LRRC58: variants seen among roughly 807,000 people sequenced by gnomAD.
The protein encoded by LRRC58 is leucine rich repeat containing 58, also known as leucine-rich repeat-containing protein 58.
Under a neutral mutation model 30.6 loss-of-function variants are expected in LRRC58, and 18 were observed. That is an observed-to-expected ratio of 0.59 (90% CI 0.41 to 0.87). The LOEUF is 0.87. Ranked by LOEUF, LRRC58 falls within the 40% of genes least tolerant of loss-of-function variation. The pLI, the probability that LRRC58 is intolerant of heterozygous loss-of-function variation, is 0.00. For missense variants in LRRC58, 420 were observed against 468.4 expected (o/e 0.90, Z 0.95); for synonymous variants, 221 against 206.0 (o/e 1.07, Z -0.62).
At chr3:120,332,009 A>T (rs917190332) in intron 3 of LRRC58, among the ~76,000 whole-genome samples, 4 of 152,232 alleles carry the variant, frequency 2.6e-5, no homozygotes, top group African/African-American at 9.7e-5. Flanking sequence ...AGGTAAACTG[A>T]AAGTAATATC....
At chr3:120,336,594 C>A (rs1415331945) in intron 1 of LRRC58, among the ~76,000 whole-genome samples, 7 of 152,096 alleles carry the variant, frequency 4.6e-5, no homozygotes, top group Non-Finnish European at 1.5e-5. Context: ...GAAGTCTCTA[C>A]ATTTCTTCTT....
At position 120,334,920 on chromosome 3, in the gene LRRC58, AG is replaced by A; in HGVS notation, c.848del (p.Pro283LeufsTer44). On this transcript the variant is annotated frameshift_variant, in exon 3 of 4. Transcript: ENST00000295628. LOFTEE classifies it high-confidence loss of function. ...AACCCAAGTATCTAAGAAGATTTCC[AG>A]GAAGATCATAGGGAGTGTAGGAAAT... ...RNISYTPYDLPGNLLRYLGSA... is the reference protein window; with the variant it reads ...RNISYTPYDLXGNLLRYLGSA... 1 of 1,613,796 alleles carries A rather than the reference AG, an allele frequency of 6.2e-7. No homozygotes were observed. The highest frequency in any genetic ancestry group is 1.1e-5 in the South Asian group (1 of 91,030).
At position 120,347,379 on chromosome 3, in the gene LRRC58, C is replaced by CTTTTTTTTTTTTTTTTTTTTTG. The variant is rs1935982859; in HGVS notation, c.500+1364_500+1365insCAAAAAAAAAAAAAAAAAAAAA. ...AGTTCTTTTTTCCCAGGCCAATATTCTTTTTTTTTTTTTTTTTTTTTTTGA... is the reference window on the plus strand; with the variant it reads ...AGTTCTTTTTTCCCAGGCCAATATTCTTTTTTTTTTTTTTTTTTTTTGTTTTTTTTTTTTTTTTTTTTTTTGA... On this transcript the variant is annotated intron_variant, in intron 1 of 3. Coordinates refer to ENST00000295628, the MANE Select transcript of LRRC58 (RefSeq NM_001099678.2). 3.6e-5 allele frequency among the ~76,000 whole-genome samples: 2 copies of CTTTTTTTTTTTTTTTTTTTTTG among 54,828 alleles called. 1 individual carries two copies. The highest frequency in any genetic ancestry group is 6.9e-5 in the Non-Finnish European group (2 of 28,778). 36.0% of individuals were successfully genotyped at this position (54,828 alleles called of 152,430 possible). A position where few individuals can be genotyped will look rare whatever the true frequency, so the allele number is the denominator to read the frequency against.
At chr3:120,345,221 T>C (rs1287496657) in intron 1 of LRRC58, among the ~76,000 whole-genome samples, 1 of 152,200 alleles carries the variant, frequency 6.6e-6, no homozygotes, top group Non-Finnish European at 1.5e-5. Flanking sequence ...AAGCCATAAG[T>C]ATTCATTTGT....
chr3:120,343,072 G>A lies in LRRC58; in HGVS notation c.500+5672C>T, dbSNP rs553523473. Among the ~76,000 whole-genome samples the A allele has an allele frequency of 3.3e-5, 5 of 152,290 alleles. No individual in the cohort carries two copies. The East Asian group carries it at 9.6e-4, about 29-fold the overall frequency. ...TTGGAAGTGGACAGGGAAGGTAGACGGAAAGGATGCAAAACATTAGTAGTT... is the reference window on the plus strand; with the variant it reads ...TTGGAAGTGGACAGGGAAGGTAGACAGAAAGGATGCAAAACATTAGTAGTT... On this transcript the variant is annotated intron_variant, in intron 1 of 3. Coordinates refer to ENST00000295628, the MANE Select transcript of LRRC58 (RefSeq NM_001099678.2).
At position 120,348,896 on chromosome 3, in the gene LRRC58, C is replaced by T. The variant is rs769317356; in HGVS notation, c.348G>A (p.Ser116=). Residue 116 remains serine, a synonymous_variant, in exon 1 of 4, where the codon TCG becomes TCA. Coordinates refer to ENST00000295628, the MANE Select transcript of LRRC58 (RefSeq NM_001099678.2). ...PSALPKGLAQ[S]PLCRSLQVLN... ...GCACCTGGAGGCTGCGGCAGAGCGGCGACTGGGCCAGGCCCTTGGGCAGCG... is the reference window on the plus strand; with the variant it reads ...GCACCTGGAGGCTGCGGCAGAGCGGTGACTGGGCCAGGCCCTTGGGCAGCG... 5.1e-6 allele frequency: 8 copies of T among 1,579,022 alleles called. No homozygotes were observed. Among genetic ancestry groups the T allele is most frequent in the Non-Finnish European group, 5.2e-6 (6 of 1,163,780 alleles).
At position 120,326,816 on chromosome 3, in the gene LRRC58, A is replaced by G. The variant is rs1935681497; in HGVS notation, c.*4384T>C. The G allele has an allele frequency of 6.6e-6, 1 of 152,246 alleles. No homozygotes were observed. Among genetic ancestry groups the G allele is most frequent in the South Asian group, 2.1e-4 (1 of 4,836 alleles). 9.4% of individuals were successfully genotyped at this position (152,246 alleles called of 1,614,324 possible). On this transcript the variant is annotated 3_prime_UTR_variant, in exon 4 of 4. Coordinates refer to ENST00000295628, the MANE Select transcript of LRRC58 (RefSeq NM_001099678.2). ...TCTACCAAGGGTCTTATGAAAATTT[A>G]GGAATAATAACCATTAACTTTTTTT...
rs1194870084 is a variant in LRRC58 at position 120,335,070 on chromosome 3, G to A, written c.699C>T (p.Asn233=). Residue 233 remains asparagine (N), a synonymous_variant, in exon 3 of 4, where the codon AAC becomes AAT. Coordinates refer to ENST00000295628, the MANE Select transcript of LRRC58 (RefSeq NM_001099678.2). ...AACTCAACTCTTCCAAATGAATAAG[G>A]TTGAGGATCTCTCGAGGCAGATATG... The part of the protein sequence containing the change: ...LLTYLPREIL[N]LIHLEELSLR... 6.2e-7 allele frequency: 1 copy of A among 1,613,940 alleles called. No homozygotes were observed. The highest frequency in any genetic ancestry group is 8.5e-7 in the Non-Finnish European group (1 of 1,179,846).
At chr3:120,339,881 T>C (rs2107624973) in intron 1 of LRRC58, among the ~76,000 whole-genome samples, 1 of 152,346 alleles carries the variant, frequency 6.6e-6, no homozygotes, top group South Asian at 2.1e-4. Context: ...TTTTATTTTT[T>C]GAGATGGAGT....
intron 3 of LRRC58, among the ~76,000 whole-genome samples, chr3:120,332,038 G>A (rs1218184532): frequency 6.6e-6 from 1 of 152,196 alleles, no homozygotes; most frequent in Admixed American, 6.5e-5. Flanking sequence ...TTGATTCCTA[G>A]GTTAGTGCTC....
intron 2 of LRRC58, 23 bp downstream of exon 2, chr3:120,335,802 T>G (rs1935827690): frequency 1.3e-6 from 2 of 1,597,044 alleles, no homozygotes; most frequent in African/African-American, 2.7e-5. Context: ...TCTGCGTATA[T>G]ACAAATGCCT....
intron 1 of LRRC58, among the ~76,000 whole-genome samples, chr3:120,340,671 C>T (rs1278087188): frequency 1.3e-5 from 2 of 151,930 alleles, no homozygotes; most frequent in African/African-American, 4.8e-5. Flanking sequence ...GTCACGAGTT[C>T]GAGACCAGCT....
At position 120,348,355 on chromosome 3, in the gene LRRC58, T is replaced by C. The variant is rs564654393; in HGVS notation, c.500+389A>G. 2.0e-5 allele frequency among the ~76,000 whole-genome samples: 3 copies of C among 152,304 alleles called. No individual in the cohort carries two copies. The South Asian group carries it at 6.2e-4, about 32-fold the overall frequency. On this transcript the variant is annotated intron_variant, in intron 1 of 3. Coordinates refer to ENST00000295628, the MANE Select transcript of LRRC58 (RefSeq NM_001099678.2). ...AAAGCAAGGGTTAGATCAGAGCACCTTGTACGCCACGCTCAAAGGCACGTA... is the reference window on the plus strand; with the variant it reads ...AAAGCAAGGGTTAGATCAGAGCACCCTGTACGCCACGCTCAAAGGCACGTA...
chr3:120,339,365 G>A (rs1373566429), intron 1 of LRRC58, among the ~76,000 whole-genome samples: 1 of 152,102 alleles, frequency 6.6e-6, no homozygotes, highest in African/African-American at 2.4e-5. Flanking sequence ...TTTCCAATCA[G>A]TACATTGATT....
intron 1 of LRRC58, among the ~76,000 whole-genome samples, chr3:120,346,047 G>GT (rs2107627913): frequency 6.6e-6 from 1 of 152,270 alleles, no homozygotes; most frequent in South Asian, 2.1e-4. Flanking sequence ...GAGGTCAGAA[G>GT]TTTGAGACCA....
Position 120,324,918 on chromosome 3 carries a change from A to G in LRRC58, c.*6282T>C, listed in dbSNP as rs914057284. ...ATATTCCTAATTTGCAAGATTTCAA[A>G]TACAGAAAATTAAGAAATCAGATCA... On this transcript the variant is annotated 3_prime_UTR_variant, in exon 4 of 4. Coordinates refer to ENST00000295628, the MANE Select transcript of LRRC58 (RefSeq NM_001099678.2). The G allele has an allele frequency of 6.6e-6, 1 of 152,226 alleles. No individual in the cohort carries two copies. The highest frequency in any genetic ancestry group is 1.5e-5 in the Non-Finnish European group (1 of 68,022). 9.4% of individuals were successfully genotyped at this position (152,226 alleles called of 1,614,324 possible). A position where few individuals can be genotyped will look rare whatever the true frequency, so the allele number is the denominator to read the frequency against.
Position 120,348,855 on chromosome 3 carries a change from T to G in LRRC58, c.389A>C (p.Asn130Thr). The G allele has an allele frequency of 6.2e-7, 1 of 1,602,896 alleles. No individual in the cohort carries two copies. Among genetic ancestry groups the G allele is most frequent in the Admixed American group, 1.7e-5 (1 of 58,476 alleles). Residue 130 changes from asparagine to threonine, a missense_variant, in exon 1 of 4, where the codon AAC becomes ACC. By Grantham distance (65) the Asn-to-Thr change is moderately conservative. Around this residue, in one of 2 missense-constraint regions of LRRC58, gnomAD observed 266 missense variants for 251.7 expected, o/e 1.06. Transcript: ENST00000295628. ...RSLQVLNLSG[N>T]CFQEVPASLL... ...CGAGGCAGGCACCTCCTGGAAACAG[T>G]TGCCGCTGAGGTTGAGCACCTGGAG...
At chr3:120,344,812 A>G (rs889749178) in intron 1 of LRRC58, among the ~76,000 whole-genome samples, 2 of 152,222 alleles carry the variant, frequency 1.3e-5, no homozygotes, top group Non-Finnish European at 2.9e-5. Context: ...TCCTCAATTA[A>G]TATCTAACCT....
At position 120,324,758 on chromosome 3, in the gene LRRC58, A is replaced by G. The variant is rs548130258; in HGVS notation, c.*6442T>C. ...ATATATTCTTTTAAGAGCATTTAGC[A>G]TTACAAGGCAATATATAAATTTGAT... On this transcript the variant is annotated 3_prime_UTR_variant, in exon 4 of 4. Coordinates refer to ENST00000295628, the MANE Select transcript of LRRC58 (RefSeq NM_001099678.2). The G allele has an allele frequency of 2.6e-5, 4 of 152,308 alleles. No homozygotes were observed. The East Asian group carries it at 7.7e-4, about 29-fold the overall frequency. 9.4% of individuals were successfully genotyped at this position (152,308 alleles called of 1,614,324 possible).
Sources: allele counts gnomAD v4.1 joint callset (sites outside exome capture counted in the v4.1 genomes callset), GRCh38; gene constraint gnomAD v4.1.1; regional missense constraint gnomAD v4.1.1; transcripts MANE v1.5; gene names NCBI Gene and HGNC (gene_info 2026-07-23, HGNC 2026-07-21).